PSCA: variants seen among roughly 807,000 people sequenced by gnomAD.
PSCA encodes the protein prostate stem cell antigen.
PSCA carries 7 observed loss-of-function variants against 7.9 expected under a neutral mutation model. The ratio of observed to expected loss-of-function variants is 0.89; its 90% CI spans 0.51 to 1.67. The LOEUF is 1.67. Among genes scored for constraint, PSCA ranks in the 40% most tolerant of loss-of-function variants. The pLI, the probability that PSCA is intolerant of heterozygous loss-of-function variation, is 0.00. For missense variants in PSCA, 151 were observed against 147.9 expected, an observed-to-expected ratio of 1.02 and a Z score of -0.11; for synonymous variants, 61 against 68.3, an observed-to-expected ratio of 0.89 and a Z score of 0.53.
upstream of PSCA, among the ~76,000 whole-genome samples, chr8:142,679,798 A>G (rs1415796899): frequency 6.6e-6 from 1 of 152,180 alleles, no homozygotes; most frequent in East Asian, 1.9e-4. Context: ...AATAGATGGT[A>G]AATGTTTCTC....
At chr8:142,681,561 C>A (rs1042600774) in intron 2 of PSCA, 127 bp downstream of exon 2, 20 of 783,206 alleles carry the variant, frequency 2.6e-5, no homozygotes, top group Non-Finnish European at 4.0e-5. Context: ...CGCACCTGCA[C>A]CCCCAACAAT....
rs782801467 is a variant in PSCA, at chr8:142,682,103, C to A, written c.316C>A (p.Leu106Met). ...AILALLPALG[L>M]LLWGPGQL ...CCTTGCGCTGCTCCCTGCACTCGGC[C>A]TGCTGCTCTGGGGACCCGGCCAGCT... Residue 106 changes from leucine (L) to methionine (M), a missense_variant, in exon 3 of 3, where the codon CTG becomes ATG. Coordinates refer to ENST00000301258, the MANE Select transcript of PSCA (RefSeq NM_005672.5). 1.9e-6 allele frequency: 3 copies of A among 1,603,566 alleles called. No individual in the cohort carries two copies. Among genetic ancestry groups the A allele is most frequent in the Middle Eastern group, 3.3e-4 (2 of 6,056 alleles).
rs1847345485 is a variant in PSCA, at chr8:142,672,536, G to A, written n.261+1968G>A. ...AAGGTCCCTGGACTGGGGCTCCCATGGCAGGGTCTCCTGGGACAGCAAAGT... is the reference window on the plus strand; with the variant it reads ...AAGGTCCCTGGACTGGGGCTCCCATAGCAGGGTCTCCTGGGACAGCAAAGT... On this transcript the variant is annotated intron_variant and non_coding_transcript_variant, in intron 1 of 1. Transcript: ENST00000505305. Among the ~76,000 whole-genome samples the A allele has an allele frequency of 2.0e-5, 3 of 152,176 alleles. 1 individual carries two copies. In the South Asian group the frequency reaches 6.2e-4, roughly 32 times the overall value.
chr8:142,681,542 G>T (rs1472621706), intron 2 of PSCA, 108 bp downstream of exon 2: 5 of 982,280 alleles, frequency 5.1e-6, no homozygotes, highest in Non-Finnish European at 6.2e-6. Context: ...ACCTGTCCCC[G>T]ACCCGTCCCG....
chr8:142,681,756 G>T (rs1554638390), intron 2 of PSCA, 165 bp from the exon 3 acceptor site: 4 of 626,706 alleles, frequency 6.4e-6, no homozygotes, highest in Non-Finnish European at 8.4e-6. Flanking sequence ...ATCTGGATAG[G>T]GCTGAGACCA....
intron 1 of PSCA, among the ~76,000 whole-genome samples, chr8:142,672,022 C>T (rs1189087773): frequency 3.3e-5 from 5 of 152,172 alleles, no homozygotes; most frequent in Admixed American, 2.0e-4. Flanking sequence ...ACACTGGCAA[C>T]GACCAAATTC....
chr8:142,675,477 C>T (rs13256647), upstream of PSCA, among the ~76,000 whole-genome samples: 66,892 of 151,804 alleles, frequency 0.44, 14,900 homozygotes, highest in Admixed American at 0.51. Flanking sequence ...TGGGGAAGAA[C>T]GCCTCTGAGG....
chr8:142,682,363 G>T lies in PSCA; in HGVS notation c.*231G>T. The T allele has an allele frequency of 1.4e-6, 1 of 703,006 alleles. No individual in the cohort carries two copies. Among genetic ancestry groups the T allele is most frequent in the Non-Finnish European group, 2.6e-6 (1 of 386,934 alleles). The allele number at this position is 703,006 out of a possible 1,614,324, so 43.5% of individuals were successfully genotyped here. On this transcript the variant is annotated 3_prime_UTR_variant, in exon 3 of 3. Coordinates refer to ENST00000301258, the MANE Select transcript of PSCA (RefSeq NM_005672.5). ...ATTGACACAGATCCGCCTGCAGATG[G>T]CCCCTCCAACCCTCTCTGCTGCTGT...
At chr8:142,672,502 C>A (rs1563802388) in intron 1 of PSCA, among the ~76,000 whole-genome samples, 1 of 152,212 alleles carries the variant, frequency 6.6e-6, no homozygotes, top group Non-Finnish European at 1.5e-5. Context: ...CATGGCAGGA[C>A]TGGAACCCAA....
chr8:142,671,950 G>A (rs1450798531), intron 1 of PSCA, among the ~76,000 whole-genome samples: 1 of 151,562 alleles, frequency 6.6e-6, no homozygotes, highest in Non-Finnish European at 1.5e-5. Context: ...GGCTCTTTTT[G>A]TTCAACCAGT....
intron 2 of PSCA, 135 bp from the exon 3 acceptor site, chr8:142,681,786 G>C: frequency 1.5e-6 from 1 of 678,784 alleles, no homozygotes; most frequent in Non-Finnish European, 2.5e-6. Flanking sequence ...CCAGGCCCTC[G>C]CACTGCTTGC....
rs1554638525 is a variant in PSCA, at chr8:142,682,316, T to TCCCA, written c.*188_*191dup. On this transcript the variant is annotated 3_prime_UTR_variant, in exon 3 of 3. Transcript: ENST00000301258. ...ACCCTCCCATGGCCCTCTCCAGGAC[T>TCCCA]CCCACCCGGCAGATCGGCTCTATTG... 1.3e-6 allele frequency: 1 copy of TCCCA among 770,656 alleles called. No homozygotes were observed. Among genetic ancestry groups the TCCCA allele is most frequent in the African/African-American group, 1.7e-5 (1 of 58,380 alleles). The allele number at this position is 770,656 out of a possible 1,614,324, so 47.7% of individuals were successfully genotyped here. A position where few individuals can be genotyped will look rare whatever the true frequency, so the allele number is the denominator to read the frequency against.
chr8:142,681,289 G>A, intron 1 of PSCA, 38 bp from the exon 2 acceptor site: 1 of 1,496,140 alleles, frequency 6.7e-7, no homozygotes, highest in Non-Finnish European at 9.1e-7. Context: ...GGAGTGCTAT[G>A]GGGCAGCCTC....
chr8:142,681,638 C>T (rs1814640053), intron 2 of PSCA: 1 of 622,548 alleles, frequency 1.6e-6, no homozygotes. Context: ...TGTCCCTCCC[C>T]ATCCTCCATC....
intron 1 of PSCA, among the ~76,000 whole-genome samples, chr8:142,671,219 G>A (rs1454871570): frequency 6.6e-6 from 1 of 152,234 alleles, no homozygotes; most frequent in Non-Finnish European, 1.5e-5. Context: ...AGCCAAGTGA[G>A]AGGACAATGG....
At position 142,671,421 on chromosome 8, in the gene PSCA, T is replaced by C. The variant is rs189787182; in HGVS notation, n.261+853T>C. On this transcript the variant is annotated intron_variant and non_coding_transcript_variant, in intron 1 of 1. Transcript: ENST00000505305. ...CTGCTGACCCCTTGATCTTAGCCCA[T>C]GACACTCATTGTGCCATTAGACTTC... Among the ~76,000 whole-genome samples the C allele has an allele frequency of 1.5e-4, 23 of 152,340 alleles. 1 individual carries two copies. The East Asian group carries it at 4.4e-3, about 29-fold the overall frequency.
chr8:142,678,374 G>A (rs1175710176), upstream of PSCA, among the ~76,000 whole-genome samples: 3 of 152,206 alleles, frequency 2.0e-5, no homozygotes, highest in African/African-American at 7.2e-5. Context: ...ACCAGCTTCC[G>A]GCAGGAACAA....
chr8:142,679,953 G>C (rs1847441946), upstream of PSCA: 1 of 152,568 alleles, frequency 6.6e-6, no homozygotes, highest in African/African-American at 2.4e-5. Flanking sequence ...GCCAAGAGGA[G>C]GGTTCCACTC....
intron 2 of PSCA, 32 bp downstream of exon 2, chr8:142,681,466 G>C (rs1285120480): frequency 2.0e-6 from 3 of 1,533,732 alleles, no homozygotes; most frequent in African/African-American, 1.4e-5. Flanking sequence ...GCCAGGCCTA[G>C]GTCTCTGCCA....
Sources: gnomAD v4.1 joint callset for allele counts (sites outside exome capture counted in the v4.1 genomes callset) on GRCh38, gnomAD v4.1.1 for gene constraint, MANE v1.5 for transcripts, NCBI Gene and HGNC (gene_info 2026-07-23, HGNC 2026-07-21) for gene names.